DMD: variants seen among roughly 807,000 people sequenced by gnomAD.
DMD encodes dystrophin.
A neutral mutation model predicts 330.1 loss-of-function variants in DMD; 63 were observed. The ratio of observed to expected loss-of-function variants is 0.19; its 90% CI spans 0.16 to 0.24. DMD has a LOEUF of 0.24. Ranked by LOEUF, DMD falls within the 10% of genes least tolerant of loss-of-function variation. The pLI is 1.00. For missense variants in DMD, 3,344 were observed against 2,684.1 expected (o/e 1.25, Z -5.43); for synonymous variants, 1,223 against 959.8 (o/e 1.27, Z -5.07).
At chrX:32,573,464 T>A in intron 15 of DMD, 66 bp downstream of exon 15, 1 of 871,464 alleles carries the variant, frequency 1.1e-6, no homozygotes, top group Non-Finnish European at 1.7e-6. Flanking sequence ...TAGAAGAGAC[T>A]AAATAATAGT....
chrX:31,243,932 C>T (rs758233628), intron 63 of DMD, among the ~76,000 whole-genome samples: 23 of 108,561 alleles, frequency 2.1e-4, no homozygotes, highest in African/African-American at 7.8e-4. Flanking sequence ...TCTTTAATTG[C>T]GTCTTGGCCA....
intron 29 of DMD, among the ~76,000 whole-genome samples, chrX:32,424,838 C>A (rs193257959): frequency 9.2e-6 from 1 of 109,208 alleles, no homozygotes; most frequent in Non-Finnish European, 1.9e-5. Flanking sequence ...GACATACTGG[C>A]GGTAACCAGA....
At chrX:31,987,835 T>C (rs975110134) in intron 44 of DMD, among the ~76,000 whole-genome samples, 1 of 111,989 alleles carries the variant, frequency 8.9e-6, no homozygotes, top group East Asian at 2.8e-4. Context: ...ATTCCACTAC[T>C]GGGGACAGAG....
chrX:31,971,939 T>C (rs1157443016), intron 44 of DMD, among the ~76,000 whole-genome samples: 1 of 111,796 alleles, frequency 8.9e-6, no homozygotes, highest in Non-Finnish European at 1.9e-5. Flanking sequence ...TGTTGGATTA[T>C]TCATCATAGT....
intron 2 of DMD, among the ~76,000 whole-genome samples, chrX:33,010,216 GTACATATGTGTGTATATA>G (rs1411573456): frequency 1.7e-4 from 16 of 93,080 alleles, no homozygotes; most frequent in African/African-American, 7.4e-4. Flanking sequence ...GTGTGTATAT[GTACATATGTGTGTATATA>G]TGTACATATG....
intron 44 of DMD, among the ~76,000 whole-genome samples, chrX:32,053,007 T>C (rs1300987592): frequency 1.8e-5 from 2 of 111,511 alleles, no homozygotes; most frequent in Non-Finnish European, 3.8e-5. Context: ...AAATTGTGAG[T>C]TTAGTTTCCT....
intron 62 of DMD, among the ~76,000 whole-genome samples, chrX:31,266,506 G>T (rs895590203): frequency 8.9e-6 from 1 of 112,540 alleles, no homozygotes; most frequent in South Asian, 3.6e-4. Context: ...CCCAATCCCC[G>T]CGTGAGGAAC....
intron 4 of DMD, among the ~76,000 whole-genome samples, chrX:32,838,579 T>C (rs982445412): frequency 8.9e-6 from 1 of 111,960 alleles, no homozygotes; most frequent in African/African-American, 3.3e-5. Context: ...CATGAACTCA[T>C]TCTTTTTTTA....
At chrX:33,076,273 G>T (rs777505547) in intron 1 of DMD, among the ~76,000 whole-genome samples, 114 of 111,523 alleles carry the variant, frequency 1.0e-3, no homozygotes, top group Non-Finnish European at 1.8e-3. Context: ...AATGCTCAGG[G>T]AGACTGATTT....
intron 55 of DMD, among the ~76,000 whole-genome samples, chrX:31,591,971 C>G: frequency 9.0e-6 from 1 of 110,660 alleles, no homozygotes; most frequent in Non-Finnish European, 1.9e-5. Context: ...CAAATGCCAC[C>G]TCCTCCTCTA....
At chrX:31,347,332 T>A (rs1374813794) in intron 61 of DMD, among the ~76,000 whole-genome samples, 1 of 110,731 alleles carries the variant, frequency 9.0e-6, no homozygotes. Context: ...TCAAATGATA[T>A]AACGTAGTCC....
chrX:32,740,240 C>T (rs1186808778), intron 7 of DMD, among the ~76,000 whole-genome samples: 1 of 110,358 alleles, frequency 9.1e-6, no homozygotes, highest in African/African-American at 3.3e-5. Flanking sequence ...TCTATAGTGA[C>T]ATGAAGTTTG....
At chrX:31,544,099 C>T (rs1339577723) in intron 55 of DMD, among the ~76,000 whole-genome samples, 1 of 110,779 alleles carries the variant, frequency 9.0e-6, no homozygotes, top group African/African-American at 3.3e-5. Context: ...CCGAAGTGGG[C>T]GGACCACGAG....
intron 55 of DMD, among the ~76,000 whole-genome samples, chrX:31,605,666 G>A (rs1001943508): frequency 1.8e-5 from 2 of 111,350 alleles, no homozygotes; most frequent in Non-Finnish European, 1.9e-5. Context: ...TGAATTGAAT[G>A]TATCAATTGA....
chrX:32,960,038 T>C (rs764153553), intron 2 of DMD, among the ~76,000 whole-genome samples: 7 of 112,119 alleles, frequency 6.2e-5, no homozygotes, highest in Non-Finnish European at 1.3e-4. Context: ...ATAGGATTTA[T>C]ATTCTTCTCC....
chrX:31,195,372 T>C lies in DMD; in HGVS notation c.9807+8589A>G, dbSNP rs185092125. ...TTTTAAATCTATGCAAATCCCTAAG[T>C]ATACTCAACAGTATTAATTTATGCT... On this transcript the variant is annotated intron_variant, in intron 67 of 78. Transcript: ENST00000357033. 4.5e-5 allele frequency among the ~76,000 whole-genome samples: 5 copies of C among 111,904 alleles called. No individual in the cohort carries two copies. In the East Asian group the frequency reaches 1.4e-3, roughly 31 times the overall value.
At chrX:31,848,899 C>T (rs2093472776) in intron 48 of DMD, among the ~76,000 whole-genome samples, 1 of 110,337 alleles carries the variant, frequency 9.1e-6, no homozygotes, top group Non-Finnish European at 1.9e-5. Context: ...AAAAAAAACC[C>T]TTGAGGGTAA....
chrX:31,171,733 C>A (rs1016712085), intron 73 of DMD, among the ~76,000 whole-genome samples: 2 of 111,364 alleles, frequency 1.8e-5, no homozygotes, highest in Admixed American at 9.6e-5. Flanking sequence ...CTCTTAGCAC[C>A]GCTCTATCTC....
rs190833974 is a variant in DMD, at chrX:33,109,999, G to T, written c.32-89799C>A. 3.6e-5 allele frequency among the ~76,000 whole-genome samples: 4 copies of T among 110,510 alleles called. No homozygotes were observed. The East Asian group carries it at 1.1e-3, about 31-fold the overall frequency. On this transcript the variant is annotated intron_variant, in intron 1 of 78. Transcript: ENST00000357033. ...GTTTGTTTCTTTGTTTGTTTACATT[G>T]CCACAGTACACTGCTCTTTGTTCCC... is the stretch of plus-strand genomic sequence containing the variant.
Sources: allele counts gnomAD v4.1 joint callset (sites outside exome capture counted in the v4.1 genomes callset), GRCh38; gene constraint gnomAD v4.1.1; transcripts MANE v1.5; gene names NCBI Gene and HGNC (gene_info 2026-07-23, HGNC 2026-07-21).